ANK3: variants seen among roughly 807,000 people sequenced by gnomAD.
The protein encoded by ANK3 is ankyrin 3, also known as ankyrin-3.
A neutral mutation model predicts 370.9 loss-of-function variants in ANK3; 57 were observed. That is an observed-to-expected ratio of 0.15 (90% CI 0.12 to 0.19). ANK3 has a LOEUF of 0.19. Among genes scored for constraint, ANK3 ranks in the 10% least tolerant of loss-of-function variants. ANK3 has a pLI of 1.00. For synonymous variants in ANK3, 1,929 were observed against 1,946.3 expected, an observed-to-expected ratio of 0.99 and a Z score of 0.23; for missense variants, 4,439 against 5,302.1, an observed-to-expected ratio of 0.84 and a Z score of 5.06.
intron 1 of ANK3, among the ~76,000 whole-genome samples, chr10:60,671,233 C>A (rs549379577): frequency 4.3e-4 from 66 of 152,332 alleles, no homozygotes; most frequent in African/African-American, 1.5e-3. Context: ...CTTACCTCCC[C>A]ACCTGTCCCT....
At chr10:60,621,355 ATTTTAT>A (rs1445847668) in intron 1 of ANK3, among the ~76,000 whole-genome samples, 2 of 152,310 alleles carry the variant, frequency 1.3e-5, no homozygotes, top group South Asian at 2.1e-4. Context: ...TGAATTTGAC[ATTTTAT>A]TTTTAATTTC....
chr10:60,332,231 G>GT (rs1455862245), intron 1 of ANK3, among the ~76,000 whole-genome samples: 4 of 152,088 alleles, frequency 2.6e-5, no homozygotes, highest in African/African-American at 9.7e-5. Context: ...ATTGAGAAAA[G>GT]TATAAAGAAG....
intron 7 of ANK3, 50 bp downstream of exon 7, chr10:60,261,809 T>A (rs751699676): frequency 6.5e-7 from 1 of 1,527,166 alleles, no homozygotes; most frequent in Admixed American, 1.7e-5. Flanking sequence ...AAAGAGAGTA[T>A]AAAATAGTTG....
chr10:60,407,505 T>C (rs2063478240), intron 2 of ANK3, among the ~76,000 whole-genome samples: 1 of 152,206 alleles, frequency 6.6e-6, no homozygotes, highest in Admixed American at 6.5e-5. Flanking sequence ...TTTAATGGCT[T>C]ACCAAAATAA....
At chr10:60,529,928 G>A (rs745769533) in intron 2 of ANK3, among the ~76,000 whole-genome samples, 3 of 152,172 alleles carry the variant, frequency 2.0e-5, no homozygotes, top group Non-Finnish European at 2.9e-5. Context: ...AGTGTGGGAA[G>A]GAGGGAATTC....
At chr10:60,622,051 G>T (rs1250377623) in intron 1 of ANK3, among the ~76,000 whole-genome samples, 4 of 152,130 alleles carry the variant, frequency 2.6e-5, no homozygotes, top group Non-Finnish European at 5.9e-5. Context: ...TAATGATTAT[G>T]CTGCTACCTA....
intron 2 of ANK3, among the ~76,000 whole-genome samples, chr10:60,545,050 C>A (rs10994411): frequency 0.77 from 101,740 of 132,648 alleles, 35,493 homozygotes; most frequent in South Asian, 0.9. Flanking sequence ...GTTTTAAAAA[C>A]GTTAAACAAC....
intron 17 of ANK3, 135 bp from the exon 18 acceptor site, chr10:60,181,562 T>C: frequency 1.2e-6 from 1 of 820,264 alleles, no homozygotes; most frequent in Non-Finnish European, 2.0e-6. Flanking sequence ...ATGGAATAAA[T>C]TTATATGCTT....
At chr10:60,263,783 T>G in intron 6 of ANK3, 52 bp downstream of exon 6, 1 of 1,604,716 alleles carries the variant, frequency 6.2e-7, no homozygotes, top group Non-Finnish European at 8.5e-7. Context: ...TTAAAGGTTG[T>G]GTGTCTAACA....
At chr10:60,616,680 C>A (rs2078272282) in intron 1 of ANK3, among the ~76,000 whole-genome samples, 1 of 152,104 alleles carries the variant, frequency 6.6e-6, no homozygotes, top group Non-Finnish European at 1.5e-5. Context: ...TTTACATCTG[C>A]TGATTTCCTT....
chr10:60,644,718 G>A (rs1469583766), intron 1 of ANK3, among the ~76,000 whole-genome samples: 1 of 151,698 alleles, frequency 6.6e-6, no homozygotes, highest in African/African-American at 2.4e-5. Context: ...TAATGGAAGA[G>A]ATCACGTATC....
chr10:60,536,457 A>G (rs2076727033), intron 2 of ANK3, among the ~76,000 whole-genome samples: 1 of 152,108 alleles, frequency 6.6e-6, no homozygotes, highest in Admixed American at 6.6e-5. Context: ...AAATCCTTTT[A>G]AATAAAGTTT....
intron 42 of ANK3, among the ~76,000 whole-genome samples, chr10:60,049,619 C>CCTGTTTTT (rs1466800916): frequency 1.3e-5 from 2 of 152,140 alleles, no homozygotes; most frequent in East Asian, 3.9e-4. Context: ...TACGGACTCC[C>CCTGTTTTT]CTGTTTTTAT....
chr10:60,452,818 T>C (rs1326257137), intron 2 of ANK3, among the ~76,000 whole-genome samples: 1 of 152,236 alleles, frequency 6.6e-6, no homozygotes, highest in Non-Finnish European at 1.5e-5. Flanking sequence ...GAAGGCTTGT[T>C]TGTTCTGTGG....
At chr10:60,100,791 GTA>G (rs767307127) in intron 28 of ANK3, among the ~76,000 whole-genome samples, 3 of 152,062 alleles carry the variant, frequency 2.0e-5, no homozygotes, top group Non-Finnish European at 4.4e-5. Flanking sequence ...TAATACTTAG[GTA>G]GCAACAATTT....
chr10:60,210,770 T>C (rs1379142448), intron 9 of ANK3, among the ~76,000 whole-genome samples: 1 of 152,116 alleles, frequency 6.6e-6, no homozygotes, highest in African/African-American at 2.4e-5. Context: ...CTTCAGAATA[T>C]GAAAAGAGGA....
chr10:60,676,829 C>T (rs766923103), intron 1 of ANK3, among the ~76,000 whole-genome samples: 1 of 152,262 alleles, frequency 6.6e-6, no homozygotes, highest in Non-Finnish European at 1.5e-5. Flanking sequence ...TTCTTTAGCA[C>T]AGTAGAGTGA....
rs773438575 is a variant in ANK3 at position 60,172,388 on chromosome 10, G to A, written c.2398C>T (p.Leu800Phe). 14 of 1,613,928 alleles carry A rather than the reference G, an allele frequency of 8.7e-6. No individual in the cohort carries two copies. The highest frequency in any genetic ancestry group is 1.2e-5 in the Non-Finnish European group (14 of 1,179,836). ...NELTVNGNTA[L>F]GIARRLGYIS... is the part of the protein sequence containing the mutation. ...TAGCCGAGGCGCCGGGCAATGCCAA[G>A]GGCAGTATTCCCATTCTGGCAAAAG... is the stretch of plus-strand genomic sequence containing the variant. Residue 800 changes from leucine (L) to phenylalanine (F), a missense_variant, in exon 21 of 44, where the codon CTT becomes TTT. Around this residue, in one of 13 missense-constraint regions of ANK3, gnomAD observed 702 missense variants for 941.5 expected, o/e 0.75. Coordinates refer to ENST00000280772, the MANE Select transcript of ANK3 (RefSeq NM_020987.5).
chr10:60,136,273 C>G lies in ANK3; in HGVS notation c.2739-1900G>C, dbSNP rs75319690. On this transcript the variant is annotated intron_variant, in intron 24 of 43. Coordinates refer to ENST00000280772, the MANE Select transcript of ANK3 (RefSeq NM_020987.5). ...CTGAGCTATCCAACAACAGCGGCTACTGAGCACTTGAAATGTGGCTGGTGT... is the reference window on the plus strand; with the variant it reads ...CTGAGCTATCCAACAACAGCGGCTAGTGAGCACTTGAAATGTGGCTGGTGT... Among the ~76,000 whole-genome samples, 1,028 of 152,240 alleles carry G rather than the reference C, an allele frequency of 6.8e-3. 48 individuals carry two copies. In the East Asian group the frequency reaches 0.12, roughly 17 times the overall value.
Sources: allele counts gnomAD v4.1 joint callset (sites outside exome capture counted in the v4.1 genomes callset), GRCh38; gene constraint gnomAD v4.1.1; regional missense constraint gnomAD v4.1.1; transcripts MANE v1.5; gene names NCBI Gene and HGNC (gene_info 2026-07-23, HGNC 2026-07-21).